Variants in AKAP3 observed in about 807,000 individuals in gnomAD.
AKAP3 encodes A-kinase anchor protein 3.
AKAP3 carries 27 observed loss-of-function variants against 57.2 expected under a neutral mutation model. The ratio of observed to expected loss-of-function variants is 0.47; its 90% CI spans 0.35 to 0.65. AKAP3 has a LOEUF of 0.65. Among genes scored for constraint, AKAP3 ranks in the 30% least tolerant of loss-of-function variants. The pLI is 0.01. For synonymous variants in AKAP3, 334 were observed against 392.3 expected (o/e 0.85, Z 1.76); for missense variants, 959 against 1,040.0 (o/e 0.92, Z 1.07).
rs1371126949 is a variant in AKAP3 at position 4,627,318 on chromosome 12, G to A, written c.1584C>T (p.Ile528=). The change falls in exon 5 of 6, where the codon ATC becomes ATT. Residue 528 remains isoleucine, a synonymous_variant. Transcript: ENST00000228850. ...YDSDSWAEDL[I]VSALLLIQYH... ...ATTGAATCAGAAGCAGGGCAGACACGATCAGGTCCTCGGCCCAGGAGTCTG... is the reference window on the plus strand; with the variant it reads ...ATTGAATCAGAAGCAGGGCAGACACAATCAGGTCCTCGGCCCAGGAGTCTG... The A allele has an allele frequency of 8.7e-6, 14 of 1,613,844 alleles. No homozygotes were observed. Among genetic ancestry groups the A allele is most frequent in the Middle Eastern group, 1.6e-4 (1 of 6,084 alleles).
intron 4 of AKAP3, among the ~76,000 whole-genome samples, chr12:4,632,394 A>G (rs1316164070): frequency 6.6e-6 from 1 of 152,066 alleles, no homozygotes; most frequent in Admixed American, 6.5e-5. Context: ...CCCTCACCCT[A>G]GTTTTTTTGT....
chr12:4,628,776 G>A lies in AKAP3; in HGVS notation c.126C>T (p.Leu42=), dbSNP rs1307156548. 3 of 1,611,476 alleles carry A rather than the reference G, an allele frequency of 1.9e-6. No homozygotes were observed. Among genetic ancestry groups the A allele is most frequent in the Middle Eastern group, 1.6e-4 (1 of 6,070 alleles). ...MDTSTDPVRV[L]SWLRRDLEKS... is the part of the protein sequence containing the mutation. ...TCTCCAGGTCTCTGCGGAGCCAGCT[G>A]AGCACTCTGACAGGATCCGTGGAGG... The change falls in exon 5 of 6, where the codon CTC becomes CTT. Residue 42 remains leucine, a synonymous_variant. Transcript: ENST00000228850.
intron 5 of AKAP3, among the ~76,000 whole-genome samples, chr12:4,623,489 TG>T (rs139192786): frequency 7.9e-4 from 120 of 152,286 alleles, no homozygotes; most frequent in African/African-American, 2.8e-3. Flanking sequence ...CCATTGCCAT[TG>T]GCAAATTAAC....
At chr12:4,620,762 C>G (rs979461279) in intron 5 of AKAP3, among the ~76,000 whole-genome samples, 1 of 152,078 alleles carries the variant, frequency 6.6e-6, no homozygotes, top group Non-Finnish European at 1.5e-5. Context: ...ACAAACCTAC[C>G]GTGCTGCCAG....
At position 4,625,764 on chromosome 12, in the gene AKAP3, G is replaced by A. The variant is rs557549954; in HGVS notation, c.2406+732C>T. Among the ~76,000 whole-genome samples, 7 of 152,112 alleles carry A rather than the reference G, an allele frequency of 4.6e-5. No individual in the cohort carries two copies. In the South Asian group the frequency reaches 1.5e-3, roughly 32 times the overall value. The stretch of plus-strand genomic sequence containing the variant: ...AGGAGAGAGAAGAGAAGGTTGTAGG[G>A]ATGGTCTTTTTAATTCCCGCACTTC... On this transcript the variant is annotated intron_variant, in intron 5 of 5. Transcript: ENST00000228850. This position sits in a 1 kb window ranked among gnomAD's most constrained non-coding sequence, Gnocchi z 5.4.
intron 4 of AKAP3, among the ~76,000 whole-genome samples, chr12:4,629,172 T>G (rs1945466908): frequency 6.6e-6 from 1 of 152,208 alleles, no homozygotes; most frequent in African/African-American, 2.4e-5. Flanking sequence ...GCCCATGCTC[T>G]CAGCTAGTAT....
chr12:4,619,399 A>C (rs185773690), intron 5 of AKAP3, among the ~76,000 whole-genome samples: 301 of 152,056 alleles, frequency 2.0e-3, no homozygotes, highest in African/African-American at 7.0e-3. Flanking sequence ...TCTCTAAAAC[A>C]AAATACAATT....
In AKAP3 at chr12:4,615,873, C is replaced by T. The variant is rs1472519815; in HGVS notation, c.2428G>A (p.Ala810Thr). The T allele has an allele frequency of 1.9e-6, 3 of 1,614,094 alleles. No homozygotes were observed. The African/African-American group carries it at 4.0e-5, about 22-fold the overall frequency. The stretch of plus-strand genomic sequence containing the variant: ...CCCACACTGCATCCTTTGTCCACAG[C>T]AGCAGCTGAGAGCTGAAGTAGCTGT... ...QEKLLQLSAA[A>T]VDKGCSVGEV... The change falls in exon 6 of 6, where the codon GCT becomes ACT. Residue 810 changes from alanine to threonine, a missense_variant. Coordinates refer to ENST00000228850, the MANE Select transcript of AKAP3 (RefSeq NM_001278309.2).
At chr12:4,621,250 A>G (rs1945344206) in intron 5 of AKAP3, among the ~76,000 whole-genome samples, 1 of 152,208 alleles carries the variant, frequency 6.6e-6, no homozygotes, top group South Asian at 2.1e-4. Flanking sequence ...TTGTAACATA[A>G]AAATGTTACA....
intron 5 of AKAP3, among the ~76,000 whole-genome samples, chr12:4,623,952 G>A (rs1945377059): frequency 6.6e-6 from 1 of 151,906 alleles, no homozygotes; most frequent in Non-Finnish European, 1.5e-5. Context: ...TAATAGGTGT[G>A]TTAATTGGTA....
chr12:4,645,914 G>A (rs1457569335), intron 1 of AKAP3: 1 of 152,118 alleles, frequency 6.6e-6, no homozygotes, highest in Non-Finnish European at 1.5e-5. Flanking sequence ...GGACGGCAGA[G>A]GAGAATGAGA....
intron 4 of AKAP3, chr12:4,631,242 A>G: frequency 3.1e-6 from 2 of 647,122 alleles, no homozygotes; most frequent in South Asian, 3.5e-5. Flanking sequence ...TTATGGATTA[A>G]TGATTTATAG....
At chr12:4,635,627 T>C in intron 4 of AKAP3, 2 of 777,400 alleles carry the variant, frequency 2.6e-6, no homozygotes, top group Non-Finnish European at 4.5e-6. Context: ...AGGACATGCT[T>C]GCCTCTGAAG....
At chr12:4,621,962 G>T (rs1323543837) in intron 5 of AKAP3, among the ~76,000 whole-genome samples, 2 of 152,008 alleles carry the variant, frequency 1.3e-5, no homozygotes, top group African/African-American at 4.8e-5. Flanking sequence ...TATCATAAAG[G>T]TTGATTCCTT....
Position 4,628,081 on chromosome 12 carries a change from G to A in AKAP3, c.821C>T (p.Pro274Leu), listed in dbSNP as rs1945447405. The A allele has an allele frequency of 1.9e-6, 3 of 1,613,952 alleles. No homozygotes were observed. Among genetic ancestry groups the A allele is most frequent in the African/African-American group, 2.7e-5 (2 of 74,894 alleles). ...ERKRFRGQER[P>L]DDFTASVSEG... ...ACTAACAGAAGCCGTAAAGTCATCA[G>A]GCCTTTCCTGCCCTCGAAACCTCTT... Residue 274 changes from proline to leucine, a missense_variant, in exon 5 of 6, where the codon CCT becomes CTT. Physicochemically the swap from Pro to Leu is moderately conservative, Grantham distance 98. Transcript: ENST00000228850.
rs781384114 is a variant in AKAP3 at position 4,615,697 on chromosome 12, C to T, written c.*42G>A. 73 of 1,597,798 alleles carry T rather than the reference C, an allele frequency of 4.6e-5. No individual in the cohort carries two copies. The highest frequency in any genetic ancestry group is 1.7e-4 in the Middle Eastern group (1 of 5,952). The stretch of plus-strand genomic sequence containing the variant: ...GAGAAAGAAGGGCGGGGATAAGGGC[C>T]GGCCCCACTGCCAGAAGAGGGGAAA... On this transcript the variant is annotated 3_prime_UTR_variant, in exon 6 of 6. Transcript: ENST00000228850.
rs1015007290 is a variant in AKAP3, at chr12:4,625,873, C to T, written c.2406+623G>A. Among the ~76,000 whole-genome samples, 1 of 152,044 alleles carries T rather than the reference C, an allele frequency of 6.6e-6. No individual in the cohort carries two copies. The highest frequency in any genetic ancestry group is 1.5e-5 in the Non-Finnish European group (1 of 68,000). The stretch of plus-strand genomic sequence containing the variant: ...GCGCAGTTCTGATGCTTACTGGGCA[C>T]CTTGGGTGGAGGACAAGAACTTATC... On this transcript the variant is annotated intron_variant, in intron 5 of 5. Transcript: ENST00000228850. This position sits in a 1 kb window ranked among gnomAD's most constrained non-coding sequence, Gnocchi z 5.4.
chr12:4,622,093 A>G (rs2137427177), intron 5 of AKAP3, among the ~76,000 whole-genome samples: 1 of 152,314 alleles, frequency 6.6e-6, no homozygotes, highest in South Asian at 2.1e-4. Context: ...AATCTCTACA[A>G]TGAGAATTAC....
At chr12:4,641,392 T>G (rs1344064696) in intron 3 of AKAP3, among the ~76,000 whole-genome samples, 1 of 152,156 alleles carries the variant, frequency 6.6e-6, no homozygotes, top group Non-Finnish European at 1.5e-5. Flanking sequence ...TTTTGTATTT[T>G]TAGTAGGGAC....
Sources: gnomAD v4.1 joint callset for allele counts (sites outside exome capture counted in the v4.1 genomes callset) on GRCh38, gnomAD v4.1.1 for gene constraint, Gnocchi (gnomAD v3.1) non-coding constraint, MANE v1.5 for transcripts, NCBI Gene and HGNC (gene_info 2026-07-23, HGNC 2026-07-21) for gene names.